JAKMIP2: variants seen among roughly 807,000 people sequenced by gnomAD.
The protein encoded by JAKMIP2 is janus kinase and microtubule interacting protein 2.
JAKMIP2 carries 25 observed loss-of-function variants against 115.0 expected under a neutral mutation model. That is an observed-to-expected ratio of 0.22 (90% CI 0.16 to 0.30). JAKMIP2 has a LOEUF of 0.30. Among genes scored for constraint, JAKMIP2 ranks in the 10% least tolerant of loss-of-function variants. JAKMIP2 has a pLI of 1.00. For synonymous variants in JAKMIP2, 334 were observed against 343.6 expected (o/e 0.97, Z 0.31); for missense variants, 642 against 957.6 (o/e 0.67, Z 4.35).
intron 4 of JAKMIP2, among the ~76,000 whole-genome samples, chr5:147,650,030 G>A (rs1225417067): frequency 2.0e-5 from 3 of 152,078 alleles, no homozygotes; most frequent in African/African-American, 7.2e-5. Context: ...GTAGGCAAGA[G>A]GCAAAATATT....
intron 1 of JAKMIP2, among the ~76,000 whole-genome samples, chr5:147,771,591 G>A (rs577144078): frequency 6.6e-6 from 1 of 152,006 alleles, no homozygotes; most frequent in East Asian, 1.9e-4. Context: ...TGAGAAGAAA[G>A]GGAGGATTAA....
chr5:147,753,514 G>GC lies in JAKMIP2; in HGVS notation c.-149+28941dup, dbSNP rs1379968631. ...GCAATGGCTCCTCAGCTGCCACCGA[G>GC]CGTTGCTCTGTGCAAATGCAACCAC... On this transcript the variant is annotated intron_variant, in intron 1 of 21. Coordinates refer to ENST00000616793, the MANE Select transcript of JAKMIP2 (RefSeq NM_001270941.2). Among the ~76,000 whole-genome samples, 3 of 152,218 alleles carry GC rather than the reference G, an allele frequency of 2.0e-5. No homozygotes were observed. In the East Asian group the frequency reaches 5.8e-4, roughly 29 times the overall value.
Position 147,661,201 on chromosome 5 carries a change from C to A in JAKMIP2, c.374G>T (p.Ser125Ile). 1 of 1,614,092 alleles carries A rather than the reference C, an allele frequency of 6.2e-7. No individual in the cohort carries two copies. The highest frequency in any genetic ancestry group is 8.5e-7 in the Non-Finnish European group (1 of 1,180,038). The change falls in exon 3 of 22, where the codon AGC becomes ATC. Residue 125 changes from serine (S) to isoleucine (I), a missense_variant. Transcript: ENST00000616793. ...KSALCALRDG[S>I]SDKVRTALTI... The stretch of plus-strand genomic sequence containing the variant: ...GAGCGCTGTCCTTACTTTGTCACTG[C>A]TGCCGTCGCGGAGAGCACAGAGAGC...
intron 20 of JAKMIP2, among the ~76,000 whole-genome samples, chr5:147,607,248 T>C (rs145154191): frequency 1.8e-4 from 27 of 152,354 alleles, no homozygotes; most frequent in Admixed American, 4.6e-4. Context: ...CCTTGTTTTG[T>C]GCCGGTTTTC....
At chr5:147,711,507 C>T (rs1752779939) in intron 1 of JAKMIP2, among the ~76,000 whole-genome samples, 1 of 152,072 alleles carries the variant, frequency 6.6e-6, no homozygotes, top group African/African-American at 2.4e-5. Flanking sequence ...TATAGACAGC[C>T]TAAAGAGAGA....
intron 3 of JAKMIP2, among the ~76,000 whole-genome samples, chr5:147,658,815 C>A (rs1327697062): frequency 6.6e-6 from 1 of 152,120 alleles, no homozygotes; most frequent in East Asian, 1.9e-4. Flanking sequence ...ATCTCCCAGT[C>A]GCCTTAGCAC....
chr5:147,753,976 C>G (rs542364158), intron 1 of JAKMIP2, among the ~76,000 whole-genome samples: 1 of 152,146 alleles, frequency 6.6e-6, no homozygotes, highest in Non-Finnish European at 1.5e-5. Context: ...GTCCTCCTAA[C>G]GCAATGATGC....
chr5:147,720,722 G>T (rs1291645679), intron 1 of JAKMIP2, among the ~76,000 whole-genome samples: 2 of 149,244 alleles, frequency 1.3e-5, no homozygotes, highest in Non-Finnish European at 3.0e-5. Context: ...GCACTTCTCT[G>T]TATTGGTTAT....
At chr5:147,732,373 C>T (rs925943412) in intron 1 of JAKMIP2, among the ~76,000 whole-genome samples, 4 of 152,114 alleles carry the variant, frequency 2.6e-5, no homozygotes, top group Non-Finnish European at 5.9e-5. Flanking sequence ...TGTGCCCTTC[C>T]CCCATCTTGC....
intron 1 of JAKMIP2, among the ~76,000 whole-genome samples, chr5:147,687,394 G>T (rs1160281515): frequency 2.6e-5 from 4 of 152,150 alleles, no homozygotes; most frequent in Non-Finnish European, 1.5e-5. Flanking sequence ...AAACAGAGAA[G>T]CAAACGAGGC....
rs192123189 is a variant in JAKMIP2, at chr5:147,595,466, G to T, written c.*21-3780C>A. 9.0e-3 allele frequency: 4,105 copies of T among 456,652 alleles called. 121 individuals carry two copies. Among genetic ancestry groups the T allele is most frequent in the Admixed American group, 0.068 (2,916 of 42,578 alleles). The allele number at this position is 456,652 out of a possible 1,614,324, so 28.3% of individuals were successfully genotyped here. A position where few individuals can be genotyped will look rare whatever the true frequency, so the allele number is the denominator to read the frequency against. ...GGATGCAACAACAAGGCGCCATCTTGGAAGTAGACACCAGGCCCTCACCAG... is the reference window on the plus strand; with the variant it reads ...GGATGCAACAACAAGGCGCCATCTTTGAAGTAGACACCAGGCCCTCACCAG... On this transcript the variant is annotated intron_variant, in intron 21 of 21. Transcript: ENST00000616793.
At chr5:147,664,252 G>A (rs1189735700) in intron 2 of JAKMIP2, among the ~76,000 whole-genome samples, 4 of 152,128 alleles carry the variant, frequency 2.6e-5, no homozygotes, top group Non-Finnish European at 5.9e-5. Context: ...CACACTCCTG[G>A]TGATATTCTC....
intron 1 of JAKMIP2, among the ~76,000 whole-genome samples, chr5:147,676,657 T>C (rs964352122): frequency 3.3e-5 from 5 of 152,194 alleles, no homozygotes; most frequent in Non-Finnish European, 7.3e-5. Flanking sequence ...CTATCCCTAA[T>C]CAGGCACCTC....
intron 1 of JAKMIP2, among the ~76,000 whole-genome samples, chr5:147,694,324 ATCTTG>A (rs1752002996): frequency 6.6e-6 from 1 of 152,126 alleles, no homozygotes; most frequent in South Asian, 2.1e-4. Flanking sequence ...GGTGTCTCTC[ATCTTG>A]TCTTTGTGGT....
intron 21 of JAKMIP2, among the ~76,000 whole-genome samples, chr5:147,597,379 G>C (rs1755451408): frequency 6.6e-6 from 1 of 152,130 alleles, no homozygotes; most frequent in African/African-American, 2.4e-5. Context: ...TAGACAGGAA[G>C]TAAAAATATT....
At chr5:147,653,421 T>C (rs1198879231) in intron 3 of JAKMIP2, among the ~76,000 whole-genome samples, 3 of 152,174 alleles carry the variant, frequency 2.0e-5, no homozygotes, top group Non-Finnish European at 4.4e-5. Flanking sequence ...TGTGGGATGG[T>C]ATCTAATTGT....
At chr5:147,765,384 A>G (rs564490327) in intron 1 of JAKMIP2, among the ~76,000 whole-genome samples, 2 of 152,232 alleles carry the variant, frequency 1.3e-5, no homozygotes, top group African/African-American at 4.8e-5. Flanking sequence ...ACGTGACACC[A>G]TGGCTTTCCC....
chr5:147,656,501 T>A (rs1452287802), intron 3 of JAKMIP2, among the ~76,000 whole-genome samples: 1 of 152,254 alleles, frequency 6.6e-6, no homozygotes, highest in Non-Finnish European at 1.5e-5. Context: ...GAGACTAGGA[T>A]TGCAACCTCT....
At position 147,589,852 on chromosome 5, in the gene JAKMIP2, CAT is replaced by C. The variant is rs768371555; in HGVS notation, c.*1853_*1854del. 1.3e-5 allele frequency: 2 copies of C among 152,222 alleles called. No individual in the cohort carries two copies. The highest frequency in any genetic ancestry group is 1.9e-4 in the East Asian group (1 of 5,196). The allele number at this position is 152,222 out of a possible 1,614,324, so 9.4% of individuals were successfully genotyped here. On this transcript the variant is annotated 3_prime_UTR_variant, in exon 22 of 22. Coordinates refer to ENST00000616793, the MANE Select transcript of JAKMIP2 (RefSeq NM_001270941.2). ...ACCAAACTGAAGCACTATTTTATTA[CAT>C]GAGGGAATCTTTTTGTCAACAACAC... is the stretch of plus-strand genomic sequence containing the variant.
Sources: gnomAD v4.1 joint callset for allele counts (sites outside exome capture counted in the v4.1 genomes callset) on GRCh38, gnomAD v4.1.1 for gene constraint, MANE v1.5 for transcripts, NCBI Gene and HGNC (gene_info 2026-07-23, HGNC 2026-07-21) for gene names.